Variants in ANKS1B observed in about 807,000 individuals in gnomAD.
ANKS1B encodes ankyrin repeat and sterile alpha motif domain containing 1B, also known as ankyrin repeat and sterile alpha motif domain-containing protein 1B.
A neutral mutation model predicts 148.3 loss-of-function variants in ANKS1B; 36 were observed. The observed-to-expected ratio is 0.24, with a 90% CI of 0.19 to 0.32. The LOEUF (loss-of-function observed/expected upper bound fraction) is 0.32, where lower values mean the gene tolerates loss of function less well. Ranked by LOEUF, ANKS1B falls within the 10% of genes least tolerant of loss-of-function variation. The pLI is 1.00. For missense variants in ANKS1B, 1,157 were observed against 1,542.6 expected, an observed-to-expected ratio of 0.75 and a Z score of 4.19; for synonymous variants, 542 against 560.8, an observed-to-expected ratio of 0.97 and a Z score of 0.47.
chr12:98,837,370 A>G (rs2153711509), intron 17 of ANKS1B, among the ~76,000 whole-genome samples: 1 of 152,126 alleles, frequency 6.6e-6, no homozygotes, highest in East Asian at 1.9e-4. Context: ...AAAAGGAAAT[A>G]AAAGTTATGG....
chr12:99,013,948 C>A (rs1443701512), intron 17 of ANKS1B, among the ~76,000 whole-genome samples: 3 of 152,016 alleles, frequency 2.0e-5, no homozygotes, highest in Non-Finnish European at 4.4e-5. Context: ...CTGTCCAAAG[C>A]AATTTATAGA....
intron 12 of ANKS1B, among the ~76,000 whole-genome samples, chr12:99,286,583 T>C (rs2079149421): frequency 6.6e-6 from 1 of 151,598 alleles, no homozygotes; most frequent in Non-Finnish European, 1.5e-5. Flanking sequence ...CACAGTGGAG[T>C]AGAACATCAA....
chr12:99,178,399 G>A (rs1029084087), intron 14 of ANKS1B, among the ~76,000 whole-genome samples: 1 of 152,164 alleles, frequency 6.6e-6, no homozygotes, highest in African/African-American at 2.4e-5. Flanking sequence ...GCACCTCATG[G>A]GGAACCTGCT....
chr12:99,369,518 A>G (rs983643542), intron 12 of ANKS1B, among the ~76,000 whole-genome samples: 2 of 152,134 alleles, frequency 1.3e-5, no homozygotes, highest in African/African-American at 4.8e-5. Flanking sequence ...TTTGGGGAAA[A>G]TTGGATAAAT....
At chr12:98,777,576 C>A (rs1451065989) in intron 24 of ANKS1B, among the ~76,000 whole-genome samples, 1 of 152,160 alleles carries the variant, frequency 6.6e-6, no homozygotes, top group African/African-American at 2.4e-5. Context: ...GCTAGAGCAA[C>A]CTTTGGGCTA....
intron 9 of ANKS1B, among the ~76,000 whole-genome samples, chr12:99,572,291 AT>A (rs1001921176): frequency 6.6e-6 from 1 of 152,020 alleles, no homozygotes; most frequent in African/African-American, 2.4e-5. Flanking sequence ...AAAATTTAAA[AT>A]TTTTTTCTAA....
intron 9 of ANKS1B, among the ~76,000 whole-genome samples, chr12:99,507,675 G>A (rs1279818203): frequency 6.6e-6 from 1 of 151,882 alleles, no homozygotes; most frequent in African/African-American, 2.4e-5. Context: ...CTTCCTTAGG[G>A]AAGGTGAGGC....
At chr12:98,886,138 A>G (rs2099739583) in intron 17 of ANKS1B, among the ~76,000 whole-genome samples, 1 of 152,226 alleles carries the variant, frequency 6.6e-6, no homozygotes, top group South Asian at 2.1e-4. Flanking sequence ...ATAAACAGAA[A>G]GAAATCCTCA....
chr12:99,729,555 C>G (rs919834386), intron 8 of ANKS1B, among the ~76,000 whole-genome samples: 1 of 152,054 alleles, frequency 6.6e-6, no homozygotes, highest in African/African-American at 2.4e-5. Context: ...TCCTACCTTC[C>G]TTTATTTAAT....
chr12:99,375,046 C>G (rs983904400), intron 12 of ANKS1B, among the ~76,000 whole-genome samples: 4 of 152,202 alleles, frequency 2.6e-5, no homozygotes, highest in African/African-American at 9.7e-5. Flanking sequence ...CACTTGGAGT[C>G]TATGAGTTTG....
chr12:99,200,653 G>C (rs915665002), intron 14 of ANKS1B, among the ~76,000 whole-genome samples: 1 of 152,142 alleles, frequency 6.6e-6, no homozygotes, highest in Non-Finnish European at 1.5e-5. Context: ...CAGAAGTTAA[G>C]GGGGTGTAGC....
chr12:99,141,523 C>T (rs1282478607), intron 15 of ANKS1B, among the ~76,000 whole-genome samples: 1 of 151,676 alleles, frequency 6.6e-6, no homozygotes, highest in Non-Finnish European at 1.5e-5. Flanking sequence ...ATCAACCAAT[C>T]ACCCAGGTAT....
At chr12:99,713,811 C>T (rs1207682530) in intron 8 of ANKS1B, among the ~76,000 whole-genome samples, 1 of 152,232 alleles carries the variant, frequency 6.6e-6, no homozygotes, top group Admixed American at 6.5e-5. Flanking sequence ...GAAATCTAGG[C>T]TTTTCTATCA....
intron 9 of ANKS1B, chr12:99,649,286 A>C: frequency 6.2e-7 from 1 of 1,611,632 alleles, no homozygotes; most frequent in Non-Finnish European, 8.5e-7. Context: ...TTCTCTCCCT[A>C]GGGATATGCC....
chr12:99,376,711 G>A (rs529031048), intron 12 of ANKS1B, among the ~76,000 whole-genome samples: 4 of 152,062 alleles, frequency 2.6e-5, no homozygotes, highest in African/African-American at 4.8e-5. Context: ...ACACTAAATC[G>A]CACATGGATG....
chr12:99,892,207 G>C (rs1219940602), intron 1 of ANKS1B, among the ~76,000 whole-genome samples: 1 of 151,998 alleles, frequency 6.6e-6, no homozygotes, highest in Non-Finnish European at 1.5e-5. Flanking sequence ...GTTTCACCGT[G>C]TTAGCCAGGA....
intron 15 of ANKS1B, among the ~76,000 whole-genome samples, chr12:99,140,323 G>C (rs2153793564): frequency 6.6e-6 from 1 of 152,266 alleles, no homozygotes; most frequent in Admixed American, 6.5e-5. Context: ...ACTTTCCAAA[G>C]TCCTTTAAAG....
At chr12:99,216,090 C>T (rs1319490161) in intron 14 of ANKS1B, among the ~76,000 whole-genome samples, 1 of 152,146 alleles carries the variant, frequency 6.6e-6, no homozygotes, top group East Asian at 1.9e-4. Context: ...CTCACGAGAT[C>T]TGATGGTTTT....
At chr12:99,301,690 A>G (rs762557761) in intron 12 of ANKS1B, among the ~76,000 whole-genome samples, 13 of 152,228 alleles carry the variant, frequency 8.5e-5, no homozygotes, top group Non-Finnish European at 1.8e-4. Context: ...CCAAAGTCAG[A>G]AAAAGATGAA....
Sources: allele counts gnomAD v4.1 joint callset (sites outside exome capture counted in the v4.1 genomes callset), GRCh38; gene constraint gnomAD v4.1.1; transcripts MANE v1.5; gene names NCBI Gene and HGNC (gene_info 2026-07-23, HGNC 2026-07-21).